The following CSGALNACT1 variants were observed in gnomAD, a reference collection of about 807,000 sequenced individuals.
The protein encoded by CSGALNACT1 is beta4GalNAcT-1.
CSGALNACT1 carries 52 observed loss-of-function variants against 51.0 expected under a neutral mutation model. That is an observed-to-expected ratio of 1.02 (90% CI 0.82 to 1.29). CSGALNACT1 has a LOEUF of 1.29. CSGALNACT1 is among the 50% of genes most tolerant of loss of function. The pLI is 0.00. For synonymous variants in CSGALNACT1, 341 were observed against 254.4 expected (o/e 1.34, Z -3.24); for missense variants, 935 against 679.2 (o/e 1.38, Z -4.19).
chr8:19,756,424 T>G (rs2065380111), intron 1 of CSGALNACT1, among the ~76,000 whole-genome samples: 1 of 152,198 alleles, frequency 6.6e-6, no homozygotes, highest in Non-Finnish European at 1.5e-5. Context: ...CACAGTGCTG[T>G]TAACATCTCT....
chr8:19,437,613 A>G (rs749600228), intron 6 of CSGALNACT1, among the ~76,000 whole-genome samples: 6 of 152,202 alleles, frequency 3.9e-5, no homozygotes, highest in Non-Finnish European at 5.9e-5. Flanking sequence ...ACACCAAAAA[A>G]TTATTTATTT....
chr8:19,487,606 G>C (rs190552307), intron 4 of CSGALNACT1, among the ~76,000 whole-genome samples: 54 of 152,312 alleles, frequency 3.5e-4, no homozygotes, highest in Admixed American at 9.8e-4. Flanking sequence ...CTCAACTGTT[G>C]ATAAACTCCA....
rs554249618 is a variant in CSGALNACT1 at position 19,498,872 on chromosome 8, G to C, written c.634+6329C>G. ...CTTATGCCTGTAATCTCAATGCTTT[G>C]GGATGCCAAGGTGGGAGGATCACTT... On this transcript the variant is annotated intron_variant, in intron 4 of 9. Coordinates refer to ENST00000454498, the Ensembl canonical transcript of CSGALNACT1. Among the ~76,000 whole-genome samples, 4 of 152,348 alleles carry C rather than the reference G, an allele frequency of 2.6e-5. No individual in the cohort carries two copies. The East Asian group carries it at 5.8e-4, about 22-fold the overall frequency.
chr8:19,756,082 A>C (rs1387386313), intron 1 of CSGALNACT1, among the ~76,000 whole-genome samples: 1 of 152,162 alleles, frequency 6.6e-6, no homozygotes, highest in East Asian at 1.9e-4. Context: ...AGTTTGAAGG[A>C]CCTTTCTCCC....
At chr8:19,626,406 A>C (rs574777741) in intron 1 of CSGALNACT1, among the ~76,000 whole-genome samples, 3 of 152,332 alleles carry the variant, frequency 2.0e-5, no homozygotes, top group South Asian at 2.1e-4. Context: ...AAAAATTTAC[A>C]ATCTAAACCA....
intron 4 of CSGALNACT1, among the ~76,000 whole-genome samples, chr8:19,459,401 AAAAAAAGG>A (rs2064881122): frequency 6.6e-6 from 1 of 150,818 alleles, no homozygotes; most frequent in Non-Finnish European, 1.5e-5. Context: ...AAAAAAAAAA[AAAAAAAGG>A]AAAGAAGTTA....
intron 1 of CSGALNACT1, among the ~76,000 whole-genome samples, chr8:19,610,669 C>G (rs1439238332): frequency 1.3e-5 from 2 of 152,206 alleles, no homozygotes; most frequent in Non-Finnish European, 2.9e-5. Context: ...CCGAGTGGCC[C>G]AGCTCCCGAG....
chr8:19,488,868 C>A (rs562662319), intron 4 of CSGALNACT1, among the ~76,000 whole-genome samples: 2 of 152,226 alleles, frequency 1.3e-5, no homozygotes, highest in South Asian at 4.1e-4. Context: ...ACAACAGCAT[C>A]GGGATGGGAT....
intron 3 of CSGALNACT1, among the ~76,000 whole-genome samples, chr8:19,550,340 C>T (rs1257609690): frequency 6.6e-6 from 1 of 152,118 alleles, no homozygotes; most frequent in Non-Finnish European, 1.5e-5. Context: ...CCTCTTGTAT[C>T]CTCCTCTGCC....
rs866837865 is a variant in CSGALNACT1, at chr8:19,539,474, T to C, written c.-296-33344A>G. On this transcript the variant is annotated intron_variant, in intron 3 of 9. Transcript: ENST00000454498. The stretch of plus-strand genomic sequence containing the variant: ...TGTCCTCAGCACAGGGCCTGGCATA[T>C]AGAAAGCACTGAATAAGTACGTTTT... 3.9e-5 allele frequency among the ~76,000 whole-genome samples: 6 copies of C among 152,212 alleles called. No individual in the cohort carries two copies. The East Asian group carries it at 9.6e-4, about 24-fold the overall frequency.
chr8:19,742,243 T>G (rs751443320), intron 1 of CSGALNACT1, among the ~76,000 whole-genome samples: 6 of 152,202 alleles, frequency 3.9e-5, no homozygotes, highest in Non-Finnish European at 8.8e-5. Context: ...CTTGCCAAAA[T>G]TCCACAGCTA....
intron 3 of CSGALNACT1, among the ~76,000 whole-genome samples, chr8:19,576,365 G>T (rs2044213025): frequency 6.6e-6 from 1 of 152,112 alleles, no homozygotes; most frequent in Non-Finnish European, 1.5e-5. Flanking sequence ...GCTAATTTTT[G>T]TATTTTTAGT....
At chr8:19,719,271 G>C (rs956984392) in intron 1 of CSGALNACT1, among the ~76,000 whole-genome samples, 1 of 152,140 alleles carries the variant, frequency 6.6e-6, no homozygotes, top group Non-Finnish European at 1.5e-5. Flanking sequence ...TTGGAAGGTA[G>C]GATGAAAGTG....
rs564292814 is a variant in CSGALNACT1 at position 19,618,045 on chromosome 8, A to AT, written c.-543-16181dup. Reference sequence around the variant, plus strand: ...AGGCCCTTGCCACCACTTCCGGCTGATTTTTTTTTTTCCTGTAGAGATGGG... The same window carrying AT: ...AGGCCCTTGCCACCACTTCCGGCTGATTTTTTTTTTTTCCTGTAGAGATGGG... On this transcript the variant is annotated intron_variant, in intron 1 of 9. Coordinates refer to the CSGALNACT1 transcript ENST00000332246. 1.0e-2 allele frequency among the ~76,000 whole-genome samples: 1,463 copies of AT among 146,696 alleles called. 24 individuals are homozygous for AT. The highest frequency in any genetic ancestry group is 0.033 in the African/African-American group (1,326 of 40,250).
intron 3 of CSGALNACT1, among the ~76,000 whole-genome samples, chr8:19,559,039 G>A (rs1178689489): frequency 6.6e-6 from 1 of 152,066 alleles, no homozygotes; most frequent in Non-Finnish European, 1.5e-5. Context: ...AGCAACTGTG[G>A]CTTTCACAAC....
rs746471499 is a variant in CSGALNACT1, at chr8:19,510,399, A to G, written c.-296-4269T>C. ...GAAACAACCTCCAAATAACACAGCA[A>G]TGAATAAACAATAGACGACAGTCTC... On this transcript the variant is annotated intron_variant, in intron 3 of 9. Coordinates refer to ENST00000454498, the Ensembl canonical transcript of CSGALNACT1. Among the ~76,000 whole-genome samples, 56 of 152,294 alleles carry G rather than the reference A, an allele frequency of 3.7e-4. 1 individual carries two copies. The Middle Eastern group carries it at 0.01, about 28-fold the overall frequency.
At chr8:19,541,553 ATTTTTTTTTTTTT>A (rs1159626193) in intron 3 of CSGALNACT1, among the ~76,000 whole-genome samples, 1 of 70,098 alleles carries the variant, frequency 1.4e-5, no homozygotes, top group East Asian at 4.4e-4. Context: ...TGCTCAGCCA[ATTTTTTTTTTTTT>A]TTTTTTTTTT....
intron 3 of CSGALNACT1, among the ~76,000 whole-genome samples, chr8:19,508,494 G>T (rs6998991): frequency 0.13 from 20,492 of 152,138 alleles, 3,959 homozygotes; most frequent in African/African-American, 0.43. Flanking sequence ...TGAAAATCTT[G>T]GGATTTATAT....
At chr8:19,491,633 G>A (rs893040074) in intron 4 of CSGALNACT1, among the ~76,000 whole-genome samples, 12 of 152,038 alleles carry the variant, frequency 7.9e-5, no homozygotes, top group African/African-American at 1.4e-4. Context: ...TTTGTGATCC[G>A]TTCATCTTTT....
Sources: allele counts gnomAD v4.1 joint callset (sites outside exome capture counted in the v4.1 genomes callset), GRCh38; gene constraint gnomAD v4.1.1; transcripts MANE v1.5; gene names NCBI Gene and HGNC (gene_info 2026-07-23, HGNC 2026-07-21).